ANKRD44: variants seen among roughly 807,000 people sequenced by gnomAD.
ANKRD44 encodes the protein serine/threonine-protein phosphatase 6 regulatory ankyrin repeat subunit B.
Under a neutral mutation model 116.0 loss-of-function variants are expected in ANKRD44, and 35 were observed. The observed-to-expected ratio is 0.30, with a 90% CI of 0.23 to 0.40. ANKRD44 has a LOEUF of 0.40. Ranked by LOEUF, ANKRD44 falls within the 10% of genes least tolerant of loss-of-function variation. The probability of loss-of-function intolerance (pLI) is 1.00; values close to 1 mark genes in which losing one functional copy is unlikely to be tolerated. For synonymous variants in ANKRD44, 435 were observed against 461.8 expected, an observed-to-expected ratio of 0.94 and a Z score of 0.74; for missense variants, 1,014 against 1,242.6, an observed-to-expected ratio of 0.82 and a Z score of 2.77.
At chr2:197,227,781 T>C (rs534476944) in intron 1 of ANKRD44, among the ~76,000 whole-genome samples, 6 of 152,346 alleles carry the variant, frequency 3.9e-5, no homozygotes, top group African/African-American at 1.4e-4. Context: ...TCTCTGGGCT[T>C]CATTTTCCTC....
At chr2:197,276,540 A>G (rs2083090224) in intron 1 of ANKRD44, among the ~76,000 whole-genome samples, 1 of 152,112 alleles carries the variant, frequency 6.6e-6, no homozygotes, top group African/African-American at 2.4e-5. Flanking sequence ...TTAAATACAA[A>G]CTGATTTATG....
intron 3 of ANKRD44, among the ~76,000 whole-genome samples, chr2:197,143,806 T>C (rs1450050477): frequency 6.6e-6 from 1 of 152,118 alleles, no homozygotes; most frequent in Non-Finnish European, 1.5e-5. Flanking sequence ...ATTTTTGTAA[T>C]TTTAGTAGAG....
intron 16 of ANKRD44, among the ~76,000 whole-genome samples, chr2:197,038,235 G>A (rs2076842665): frequency 6.6e-6 from 1 of 152,166 alleles, no homozygotes. Context: ...TAATGGAGGA[G>A]GCTGTGCATG....
chr2:197,266,128 A>G (rs1325063446), intron 1 of ANKRD44, among the ~76,000 whole-genome samples: 5 of 152,110 alleles, frequency 3.3e-5, no homozygotes, highest in African/African-American at 7.2e-5. Flanking sequence ...AGCAGAACCT[A>G]TTGGAGGAGA....
intron 25 of ANKRD44, among the ~76,000 whole-genome samples, chr2:196,995,771 A>G (rs1466974716): frequency 6.6e-6 from 1 of 152,222 alleles, no homozygotes; most frequent in African/African-American, 2.4e-5. Context: ...TCAGCTGGTA[A>G]CTAGGGAATA....
At chr2:197,270,904 C>T (rs2105777765) in intron 1 of ANKRD44, among the ~76,000 whole-genome samples, 1 of 152,270 alleles carries the variant, frequency 6.6e-6, no homozygotes, top group South Asian at 2.1e-4. Context: ...GATCTTGGCA[C>T]ACATCACTAC....
At chr2:197,286,396 A>G (rs2083409012) in intron 1 of ANKRD44, among the ~76,000 whole-genome samples, 1 of 149,040 alleles carries the variant, frequency 6.7e-6, no homozygotes, top group African/African-American at 2.5e-5. Context: ...TTTTTAAGAG[A>G]CAGGGCTTTG....
At chr2:197,075,474 G>A (rs2077646391) in intron 16 of ANKRD44, among the ~76,000 whole-genome samples, 1 of 152,162 alleles carries the variant, frequency 6.6e-6, no homozygotes, top group South Asian at 2.1e-4. Context: ...AATTGAATAT[G>A]ACTGATCACA....
At chr2:197,281,267 C>G (rs746259342) in intron 1 of ANKRD44, among the ~76,000 whole-genome samples, 2 of 152,100 alleles carry the variant, frequency 1.3e-5, no homozygotes, top group Admixed American at 6.6e-5. Flanking sequence ...TTTATTTTCT[C>G]TAGAAAAAAT....
At chr2:197,196,261 A>G (rs1200584979) in intron 1 of ANKRD44, among the ~76,000 whole-genome samples, 1 of 152,186 alleles carries the variant, frequency 6.6e-6, no homozygotes, top group Non-Finnish European at 1.5e-5. Context: ...GTGGGGAAAA[A>G]AGAAAAATGG....
At chr2:197,272,525 T>C (rs1221105421) in intron 1 of ANKRD44, among the ~76,000 whole-genome samples, 1 of 152,206 alleles carries the variant, frequency 6.6e-6, no homozygotes, top group Non-Finnish European at 1.5e-5. Flanking sequence ...CGTGAGCCAA[T>C]GCGCCTGGCC....
chr2:197,240,320 A>G (rs942334233), intron 1 of ANKRD44, among the ~76,000 whole-genome samples: 2 of 147,748 alleles, frequency 1.4e-5, no homozygotes, highest in South Asian at 2.1e-4. Context: ...GGTTGCAGTG[A>G]GCCAAGATCG....
chr2:197,221,546 G>A (rs1169229589), intron 1 of ANKRD44, among the ~76,000 whole-genome samples: 2 of 152,088 alleles, frequency 1.3e-5, no homozygotes, highest in South Asian at 2.1e-4. Flanking sequence ...AAGCCTGACC[G>A]CAGACTTCTG....
At chr2:197,157,245 G>T (rs1016797056) in intron 2 of ANKRD44, among the ~76,000 whole-genome samples, 1 of 152,182 alleles carries the variant, frequency 6.6e-6, no homozygotes, top group African/African-American at 2.4e-5. Flanking sequence ...TAGAAGAAAA[G>T]AAATAGCAAA....
chr2:197,157,633 G>C (rs568926760), intron 2 of ANKRD44, among the ~76,000 whole-genome samples: 2 of 140,300 alleles, frequency 1.4e-5, no homozygotes, highest in African/African-American at 5.2e-5. Context: ...AGCTGAGATC[G>C]TGCCACTGCA....
intron 2 of ANKRD44, among the ~76,000 whole-genome samples, chr2:197,181,182 A>G (rs746085986): frequency 9.2e-5 from 14 of 152,240 alleles, no homozygotes; most frequent in Non-Finnish European, 1.6e-4. Flanking sequence ...ACTTGGGTCA[A>G]ATCCTATTAG....
intron 1 of ANKRD44, among the ~76,000 whole-genome samples, chr2:197,249,108 A>C (rs2082261424): frequency 6.6e-6 from 1 of 151,738 alleles, no homozygotes; most frequent in South Asian, 2.1e-4. Context: ...CCATCTCTAC[A>C]AAAAAAATAC....
intron 2 of ANKRD44, among the ~76,000 whole-genome samples, chr2:197,183,961 T>C (rs2080582457): frequency 6.6e-6 from 1 of 152,180 alleles, no homozygotes; most frequent in African/African-American, 2.4e-5. Flanking sequence ...CTACATAGCA[T>C]CCCGGATTTT....
At chr2:197,002,564 C>G (rs2076132056) in intron 21 of ANKRD44, among the ~76,000 whole-genome samples, 2 of 152,130 alleles carry the variant, frequency 1.3e-5, no homozygotes, top group Admixed American at 1.3e-4. Flanking sequence ...GAATACCTGC[C>G]CTACCTATGT....
Sources: allele counts gnomAD v4.1 joint callset (sites outside exome capture counted in the v4.1 genomes callset), GRCh38; gene constraint gnomAD v4.1.1; transcripts MANE v1.5; gene names NCBI Gene and HGNC (gene_info 2026-07-23, HGNC 2026-07-21).